BMP8A: variants seen among roughly 807,000 people sequenced by gnomAD.
The protein encoded by BMP8A is BMP-8A.
Under a neutral mutation model 36.8 loss-of-function variants are expected in BMP8A, and 14 were observed. The observed-to-expected ratio is 0.38, with a 90% CI of 0.25 to 0.60. The LOEUF is 0.60. BMP8A is among the 20% of genes least tolerant of loss of function. BMP8A has a pLI of 0.63. For missense variants in BMP8A, 267 were observed against 551.1 expected (o/e 0.48, Z 5.16); for synonymous variants, 120 against 237.7 (o/e 0.50, Z 4.55).
Position 39,523,018 on chromosome 1 carries a change from C to T in BMP8A, c.960C>T (p.Ile320=), listed in dbSNP as rs375046116. 96 of 1,610,362 alleles carry T rather than the reference C, an allele frequency of 6.0e-5. No homozygotes were observed. The highest frequency in any genetic ancestry group is 4.7e-4 in the African/African-American group (35 of 74,980). ...CCCTTGCCCCCCAGGACTGGGTCATCGCCCCCCAAGGCTACTCAGCCTATT... is the reference window on the plus strand; with the variant it reads ...CCCTTGCCCCCCAGGACTGGGTCATTGCCCCCCAAGGCTACTCAGCCTATT... ...FQDLGWLDWV[I]APQGYSAYYC... The change falls in exon 6 of 7, where the codon ATC becomes ATT. Residue 320 remains isoleucine, a synonymous_variant. Transcript: ENST00000331593.
At chr1:39,500,963 T>C (rs940162028) in intron 1 of BMP8A, among the ~76,000 whole-genome samples, 23 of 152,022 alleles carry the variant, frequency 1.5e-4, no homozygotes, top group African/African-American at 5.6e-4. Context: ...CGAAAACAGG[T>C]TTATTTGGCA....
In BMP8A at chr1:39,523,003, C is replaced by T. The variant is rs1645443803; in HGVS notation, c.949-4C>T. On this transcript the variant is annotated splice_region_variant and splice_polypyrimidine_tract_variant and intron_variant, in intron 5 of 6. Coordinates refer to ENST00000331593, the MANE Select transcript of BMP8A (RefSeq NM_181809.4). ...TGGGACTCACCTTCTCCCTTGCCCCCCAGGACTGGGTCATCGCCCCCCAAG... is the reference window on the plus strand; with the variant it reads ...TGGGACTCACCTTCTCCCTTGCCCCTCAGGACTGGGTCATCGCCCCCCAAG... The T allele has an allele frequency of 5.0e-6, 8 of 1,604,454 alleles. No individual in the cohort carries two copies. Among genetic ancestry groups the T allele is most frequent in the Non-Finnish European group, 6.8e-6 (8 of 1,174,704 alleles).
At chr1:39,504,989 T>G (rs569862201) in intron 1 of BMP8A, among the ~76,000 whole-genome samples, 1 of 152,384 alleles carries the variant, frequency 6.6e-6, no homozygotes, top group South Asian at 2.1e-4. Context: ...GTCGCCAGCA[T>G]GTCTCACCTC....
In BMP8A at chr1:39,527,530, G is replaced by T. The variant is rs1034676743; in HGVS notation, c.*1732G>T. Reference sequence around the variant, plus strand: ...CCCAGGGAGGGGCCTGGGGAGAGCTGGTCCAGCAGCAGGGGTGGAGGCTGG... The same window carrying T: ...CCCAGGGAGGGGCCTGGGGAGAGCTTGTCCAGCAGCAGGGGTGGAGGCTGG... On this transcript the variant is annotated 3_prime_UTR_variant, in exon 7 of 7. Coordinates refer to ENST00000331593, the MANE Select transcript of BMP8A (RefSeq NM_181809.4). Among the ~76,000 whole-genome samples, 1 of 152,176 alleles carries T rather than the reference G, an allele frequency of 6.6e-6. No individual in the cohort carries two copies. The highest frequency in any genetic ancestry group is 2.4e-5 in the African/African-American group (1 of 41,428).
chr1:39,498,259 G>A (rs890193498), intron 1 of BMP8A, among the ~76,000 whole-genome samples: 16 of 152,160 alleles, frequency 1.1e-4, no homozygotes, highest in African/African-American at 3.6e-4. Flanking sequence ...GGGTGGGGAG[G>A]TGCACCCAGC....
At chr1:39,514,707 C>A (rs1645381781) in intron 3 of BMP8A, among the ~76,000 whole-genome samples, 1 of 152,160 alleles carries the variant, frequency 6.6e-6, no homozygotes, top group Non-Finnish European at 1.5e-5. Context: ...GGAGCCTGAC[C>A]TCAGCTCTGT....
intron 1 of BMP8A, among the ~76,000 whole-genome samples, chr1:39,502,235 C>CAAAAA (rs144694221): frequency 8.1e-6 from 1 of 123,160 alleles, no homozygotes. Flanking sequence ...GAGACTGTCT[C>CAAAAA]AAAAAAAAAA....
chr1:39,517,580 C>G (rs1645402910), intron 3 of BMP8A, among the ~76,000 whole-genome samples: 1 of 152,212 alleles, frequency 6.6e-6, no homozygotes, highest in Admixed American at 6.5e-5. Flanking sequence ...CTGCCTTGGC[C>G]TCCCAAAGTA....
In BMP8A at chr1:39,523,046, T is replaced by C; in HGVS notation, c.988T>C (p.Cys330Arg). ...IAPQGYSAYYCEGECSFPLDS... is the reference protein window; with the variant it reads ...IAPQGYSAYYREGECSFPLDS... Reference sequence around the variant, plus strand: ...CCCCCAAGGCTACTCAGCCTATTACTGTGAGGGGGAGTGCTCCTTCCCGCT... The same window carrying C: ...CCCCCAAGGCTACTCAGCCTATTACCGTGAGGGGGAGTGCTCCTTCCCGCT... Residue 330 changes from cysteine to arginine, a missense_variant, in exon 6 of 7, where the codon TGT becomes CGT. By Grantham distance (180) the Cys-to-Arg change is radical. Transcript: ENST00000331593. 5.6e-6 allele frequency: 9 copies of C among 1,613,788 alleles called. No individual in the cohort carries two copies. Among genetic ancestry groups the C allele is most frequent in the Non-Finnish European group, 7.6e-6 (9 of 1,179,812 alleles).
chr1:39,491,914 C>A lies in BMP8A; in HGVS notation c.-78C>A. ...CCCCTGCTCGCCGAACTCAGCTCCC[C>A]GTTCGCCGTCGGGGCGTCCCCGGGC... is the stretch of plus-strand genomic sequence containing the variant. On this transcript the variant is annotated 5_prime_UTR_variant, in exon 1 of 7. Coordinates refer to ENST00000331593, the MANE Select transcript of BMP8A (RefSeq NM_181809.4). The A allele has an allele frequency of 7.7e-6, 8 of 1,033,672 alleles. No individual in the cohort carries two copies. Among genetic ancestry groups the A allele is most frequent in the Admixed American group, 5.5e-5 (1 of 18,022 alleles). 64.0% of individuals were successfully genotyped at this position (1,033,672 alleles called of 1,614,324 possible).
intron 1 of BMP8A, among the ~76,000 whole-genome samples, chr1:39,494,099 G>A (rs1367129765): frequency 6.6e-6 from 1 of 152,224 alleles, no homozygotes; most frequent in African/African-American, 2.4e-5. Context: ...AGGGGCAGGA[G>A]TAGAAAGCCT....
At position 39,524,807 on chromosome 1, in the gene BMP8A, A is replaced by G; in HGVS notation, c.1060-842A>G. On this transcript the variant is annotated intron_variant, in intron 6 of 6. Transcript: ENST00000331593. The surrounding 1 kb of genome is among the most constrained non-coding windows in gnomAD (Gnocchi z 4.0). ...TCGCGGGAGTGGAAGGCAGAGGAGC[A>G]GGGGATGAGTGAGGGCTGCTGTGGT... is the stretch of plus-strand genomic sequence containing the variant. The G allele has an allele frequency of 6.5e-6, 1 of 152,704 alleles. No individual in the cohort carries two copies. Among genetic ancestry groups the G allele is most frequent in the Non-Finnish European group, 1.5e-5 (1 of 68,392 alleles). The allele number at this position is 152,704 out of a possible 1,614,324, so 9.5% of individuals were successfully genotyped here. A position where few individuals can be genotyped will look rare whatever the true frequency, so the allele number is the denominator to read the frequency against.
chr1:39,521,340 T>TG lies in BMP8A; in HGVS notation c.674-35dup. 2.8e-6 allele frequency: 3 copies of TG among 1,071,880 alleles called. 1 individual carries two copies. The highest frequency in any genetic ancestry group is 3.7e-6 in the Non-Finnish European group (3 of 805,794). 66.4% of individuals were successfully genotyped at this position (1,071,880 alleles called of 1,614,324 possible). On this transcript the variant is annotated intron_variant, in intron 3 of 6. Coordinates refer to ENST00000331593, the MANE Select transcript of BMP8A (RefSeq NM_181809.4). The stretch of plus-strand genomic sequence containing the variant: ...GCTGCTGTGTCTGCTGCAGGGCCGC[T>TG]GCCCGTGAGTGACCCCTCTCTCCTT...
At position 39,498,608 on chromosome 1, in the gene BMP8A, G is replaced by A. The variant is rs563693803; in HGVS notation, c.334+6283G>A. Among the ~76,000 whole-genome samples, 9 of 152,324 alleles carry A rather than the reference G, an allele frequency of 5.9e-5. No individual in the cohort carries two copies. In the East Asian group the frequency reaches 1.5e-3, roughly 26 times the overall value. ...TGGAGCCCTGGGCCCGCCTCGAGGC[G>A]GTGCTGAGATTTCTGGGTGGGAGAA... On this transcript the variant is annotated intron_variant, in intron 1 of 6. Coordinates refer to ENST00000331593, the MANE Select transcript of BMP8A (RefSeq NM_181809.4).
chr1:39,501,552 G>T (rs544157435), intron 1 of BMP8A, among the ~76,000 whole-genome samples: 9 of 152,072 alleles, frequency 5.9e-5, no homozygotes, highest in Non-Finnish European at 1.3e-4. Flanking sequence ...TTGAGACAGG[G>T]TCTCACTCTA....
intron 3 of BMP8A, among the ~76,000 whole-genome samples, chr1:39,518,160 G>T (rs1645407760): frequency 6.6e-6 from 1 of 152,130 alleles, no homozygotes; most frequent in African/African-American, 2.4e-5. Context: ...GCCTGGCCTG[G>T]TGCATGCACT....
At chr1:39,494,668 C>T (rs1308227642) in intron 1 of BMP8A, among the ~76,000 whole-genome samples, 38 of 152,132 alleles carry the variant, frequency 2.5e-4, no homozygotes, top group Non-Finnish European at 1.0e-4. Context: ...TGTGAACTTT[C>T]ACAGCCTTAC....
At chr1:39,521,255 G>T (rs1159124237) in intron 3 of BMP8A, 121 bp from the exon 4 acceptor site, 1 of 648,268 alleles carries the variant, frequency 1.5e-6, no homozygotes, top group African/African-American at 2.6e-5. Flanking sequence ...GGCTCAGCAG[G>T]ACCCCTTGGG....
Position 39,527,761 on chromosome 1 carries a change from G to A in BMP8A, c.*1963G>A, listed in dbSNP as rs1333653223. ...CTGAGTGTTAGGAGACAGGTATTCT[G>A]GTTCCAACTCAGCCACTGACTTGGT... On this transcript the variant is annotated 3_prime_UTR_variant, in exon 7 of 7. Coordinates refer to ENST00000331593, the MANE Select transcript of BMP8A (RefSeq NM_181809.4). 2.6e-5 allele frequency among the ~76,000 whole-genome samples: 4 copies of A among 152,190 alleles called. No individual in the cohort carries two copies. The highest frequency in any genetic ancestry group is 7.2e-5 in the African/African-American group (3 of 41,436).
Sources: gnomAD v4.1 joint callset for allele counts (sites outside exome capture counted in the v4.1 genomes callset) on GRCh38, gnomAD v4.1.1 for gene constraint, Gnocchi (gnomAD v3.1) non-coding constraint, MANE v1.5 for transcripts, NCBI Gene and HGNC (gene_info 2026-07-23, HGNC 2026-07-21) for gene names.